Variants in RNGTT observed in about 807,000 individuals in gnomAD.
The protein encoded by RNGTT is mRNA-capping enzyme.
In RNGTT, 33 loss-of-function variants were observed where a neutral mutation model predicts 79.3. That is an observed-to-expected ratio of 0.42 (90% CI 0.32 to 0.56). The LOEUF (loss-of-function observed/expected upper bound fraction) is 0.56. RNGTT is among the 20% of genes least tolerant of loss of function. The probability of loss-of-function intolerance (pLI) is 0.17; values close to 1 mark genes in which losing one functional copy is unlikely to be tolerated. For synonymous variants in RNGTT, 222 were observed against 235.9 expected (o/e 0.94, Z 0.54); for missense variants, 497 against 739.1 (o/e 0.67, Z 3.80).
At chr6:88,833,617 G>A (rs541711507) in intron 11 of RNGTT, among the ~76,000 whole-genome samples, 1 of 152,276 alleles carries the variant, frequency 6.6e-6, no homozygotes, top group Admixed American at 6.5e-5. Context: ...ATACAGTCAT[G>A]TGATCTATGT....
At chr6:88,771,154 C>T (rs1175557976) in intron 12 of RNGTT, among the ~76,000 whole-genome samples, 1 of 150,766 alleles carries the variant, frequency 6.6e-6, no homozygotes, top group African/African-American at 2.4e-5. Context: ...CTTTTTGTGA[C>T]CTATTTAAGG....
At chr6:88,940,991 GA>G in intron 2 of RNGTT, 79 bp downstream of exon 2, 1 of 717,398 alleles carries the variant, frequency 1.4e-6, no homozygotes, top group Non-Finnish European at 2.3e-6. Context: ...AAAATAATAA[GA>G]TTTTTTTAAA....
intron 8 of RNGTT, among the ~76,000 whole-genome samples, chr6:88,880,801 T>C (rs1360075790): frequency 1.3e-5 from 2 of 152,140 alleles, no homozygotes; most frequent in African/African-American, 4.8e-5. Context: ...TTTTATATAG[T>C]TCTAAGTCTT....
intron 13 of RNGTT, among the ~76,000 whole-genome samples, chr6:88,736,288 A>G (rs1777282092): frequency 6.6e-6 from 1 of 152,232 alleles, no homozygotes; most frequent in Admixed American, 6.5e-5. Context: ...GTTTCAGAAA[A>G]TAGAAGCAGA....
intron 14 of RNGTT, among the ~76,000 whole-genome samples, chr6:88,633,197 A>G (rs967432515): frequency 6.6e-6 from 1 of 152,148 alleles, no homozygotes; most frequent in Admixed American, 6.5e-5. Context: ...AGTGAACAAA[A>G]CAAGTCATTT....
At chr6:88,892,326 A>C (rs1373128189) in intron 6 of RNGTT, among the ~76,000 whole-genome samples, 2 of 152,114 alleles carry the variant, frequency 1.3e-5, no homozygotes, top group Non-Finnish European at 1.5e-5. Flanking sequence ...GTGGTAAAAG[A>C]CAGAATTTGA....
intron 6 of RNGTT, among the ~76,000 whole-genome samples, chr6:88,893,262 G>A (rs1783114242): frequency 6.6e-6 from 1 of 152,022 alleles, no homozygotes; most frequent in South Asian, 2.1e-4. Flanking sequence ...CTTCTTTTTA[G>A]AGAGTTCAAT....
chr6:88,904,047 A>C (rs972309475), intron 6 of RNGTT, among the ~76,000 whole-genome samples: 3 of 152,214 alleles, frequency 2.0e-5, no homozygotes, highest in Non-Finnish European at 4.4e-5. Flanking sequence ...TGCAGAATTC[A>C]TATGTAAAGT....
chr6:88,747,382 T>C (rs1777695247), intron 13 of RNGTT, among the ~76,000 whole-genome samples: 1 of 152,184 alleles, frequency 6.6e-6, no homozygotes. Context: ...CTCAAATCTG[T>C]CAGCTCAATA....
intron 1 of RNGTT, among the ~76,000 whole-genome samples, chr6:88,956,451 T>C (rs62429049): frequency 0.013 from 2,032 of 152,260 alleles, 17 homozygotes; most frequent in Non-Finnish European, 0.019. Context: ...GATTCACAGC[T>C]GAATTCTACC....
At chr6:88,762,310 C>T (rs1444644441) in intron 13 of RNGTT, among the ~76,000 whole-genome samples, 1 of 152,196 alleles carries the variant, frequency 6.6e-6, no homozygotes. Context: ...CAAATAAAAG[C>T]CCCTTCAACC....
rs1303688973 is a variant in RNGTT, at chr6:88,771,315, G to GTGTGTATATA, written c.1339-1442_1339-1441insTATATACACA. ...ACTGTATGTATGTATGTGTGTGTGTGTATATATATATATATATATATATAT... is the reference window on the plus strand; with the variant it reads ...ACTGTATGTATGTATGTGTGTGTGTGTGTGTATATATATATATATATATATATATATATAT... On this transcript the variant is annotated intron_variant, in intron 12 of 15. Transcript: ENST00000369485. 7.0e-3 allele frequency among the ~76,000 whole-genome samples: 433 copies of GTGTGTATATA among 61,940 alleles called. 3 individuals are homozygous for GTGTGTATATA. The highest frequency in any genetic ancestry group is 9.3e-3 in the Admixed American group (51 of 5,490). 40.6% of individuals were successfully genotyped at this position (61,940 alleles called of 152,430 possible).
intron 14 of RNGTT, among the ~76,000 whole-genome samples, chr6:88,629,727 T>A (rs1274280574): frequency 6.6e-6 from 1 of 152,178 alleles, no homozygotes; most frequent in Non-Finnish European, 1.5e-5. Flanking sequence ...TTACCACTAT[T>A]TTCTGGAAAG....
chr6:88,680,244 A>G (rs1775040916), intron 13 of RNGTT, among the ~76,000 whole-genome samples: 1 of 152,202 alleles, frequency 6.6e-6, no homozygotes. Context: ...TTTATTCATA[A>G]TTTAACTTCT....
chr6:88,905,375 A>C (rs1783619362), intron 5 of RNGTT, among the ~76,000 whole-genome samples: 1 of 152,234 alleles, frequency 6.6e-6, no homozygotes, highest in African/African-American at 2.4e-5. Context: ...GAGGATAAGC[A>C]TAGGCTAAAT....
intron 14 of RNGTT, among the ~76,000 whole-genome samples, chr6:88,617,272 A>C (rs929195569): frequency 6.6e-6 from 1 of 152,220 alleles, no homozygotes; most frequent in Admixed American, 6.5e-5. Flanking sequence ...TCCATCTCCA[A>C]AAAAAAGATT....
At position 88,623,822 on chromosome 6, in the gene RNGTT, G is replaced by A. The variant is rs79683106; in HGVS notation, c.1507-9427C>T. 3.2e-3 allele frequency among the ~76,000 whole-genome samples: 484 copies of A among 152,136 alleles called. 1 individual carries two copies. Among genetic ancestry groups the A allele is most frequent in the African/African-American group, 0.011 (467 of 41,540 alleles). On this transcript the variant is annotated intron_variant, in intron 14 of 15. Transcript: ENST00000369485. ...AGACAACATGATTACTTACATAGAA[G>A]GATATACAAAGAGGCTCCTAGAACC...
chr6:88,769,975 C>G, intron 12 of RNGTT, 101 bp from the exon 13 acceptor site: 3 of 693,296 alleles, frequency 4.3e-6, no homozygotes, highest in Non-Finnish European at 7.1e-6. Flanking sequence ...AAAATTACTT[C>G]TTTTCTAAAC....
chr6:88,773,930 T>C (rs930369024), intron 12 of RNGTT, among the ~76,000 whole-genome samples: 2 of 152,102 alleles, frequency 1.3e-5, no homozygotes, highest in Non-Finnish European at 2.9e-5. Flanking sequence ...ACCAAAAGCA[T>C]AAGCAACAAA....
Sources: allele counts gnomAD v4.1 joint callset (sites outside exome capture counted in the v4.1 genomes callset), GRCh38; gene constraint gnomAD v4.1.1; transcripts MANE v1.5; gene names NCBI Gene and HGNC (gene_info 2026-07-23, HGNC 2026-07-21).